PHF20: variants seen among roughly 807,000 people sequenced by gnomAD.
PHF20 encodes the protein glioma-expressed antigen 2.
In PHF20, 23 loss-of-function variants were observed where a neutral mutation model predicts 113.5. That is an observed-to-expected ratio of 0.20 (90% CI 0.15 to 0.29). The LOEUF is 0.29. Among genes scored for constraint, PHF20 ranks in the 10% least tolerant of loss-of-function variants. The pLI is 1.00. For synonymous variants in PHF20, 434 were observed against 457.3 expected (o/e 0.95, Z 0.65); for missense variants, 943 against 1,219.6 (o/e 0.77, Z 3.38).
At chr20:35,864,617 A>G (rs2054282009) in intron 6 of PHF20, among the ~76,000 whole-genome samples, 1 of 152,178 alleles carries the variant, frequency 6.6e-6, no homozygotes, top group Non-Finnish European at 1.5e-5. Flanking sequence ...TACTCATTGT[A>G]AGATAGGAAA....
chr20:35,783,214 A>G (rs1342604829), intron 1 of PHF20, among the ~76,000 whole-genome samples: 2 of 152,062 alleles, frequency 1.3e-5, no homozygotes, highest in African/African-American at 2.4e-5. Context: ...TAAAAAAAAG[A>G]AAAGAAAAAG....
chr20:35,868,757 A>G (rs7274069), intron 6 of PHF20, among the ~76,000 whole-genome samples: 7,390 of 152,292 alleles, frequency 0.049, 232 homozygotes, highest in African/African-American at 0.099. Flanking sequence ...GTTAACTAGC[A>G]TAGTCTCCCA....
At chr20:35,871,503 G>A (rs1702850666) in intron 8 of PHF20, 147 bp from the exon 9 acceptor site, 3 of 635,022 alleles carry the variant, frequency 4.7e-6, no homozygotes, top group African/African-American at 1.9e-5. Flanking sequence ...CAGCCTGTAT[G>A]TATGGGAACC....
chr20:35,830,744 T>A (rs1436342197), intron 2 of PHF20, among the ~76,000 whole-genome samples: 1 of 152,118 alleles, frequency 6.6e-6, no homozygotes, highest in Non-Finnish European at 1.5e-5. Context: ...TTTTTTTTTT[T>A]AAGTTCTGGG....
chr20:35,814,892 A>AAAAAAAAT (rs2042043682), intron 2 of PHF20, among the ~76,000 whole-genome samples: 5 of 110,182 alleles, frequency 4.5e-5, no homozygotes, highest in African/African-American at 1.1e-4. Flanking sequence ...AAAAAAAAAT[A>AAAAAAAAT]AAATAAATAA....
chr20:35,815,291 A>G (rs1013440142), intron 2 of PHF20, among the ~76,000 whole-genome samples: 2 of 151,758 alleles, frequency 1.3e-5, no homozygotes, highest in African/African-American at 2.4e-5. Flanking sequence ...TGAAACTCAA[A>G]ATATGGCCAG....
At chr20:35,774,146 G>C (rs1055498925) in intron 1 of PHF20, among the ~76,000 whole-genome samples, 6 of 150,936 alleles carry the variant, frequency 4.0e-5, no homozygotes, top group Non-Finnish European at 7.4e-5. Context: ...GCAGTGGCGC[G>C]ATCTCGGCTC....
chr20:35,884,497 A>G (rs1187826875), intron 9 of PHF20, among the ~76,000 whole-genome samples: 3 of 152,198 alleles, frequency 2.0e-5, no homozygotes, highest in African/African-American at 7.2e-5. Flanking sequence ...TCTGCATTCC[A>G]GGGGCTAGCC....
rs1177352915 is a variant in PHF20, at chr20:35,899,657, C to G, written c.1561+9C>G. 3.1e-6 allele frequency: 5 copies of G among 1,612,584 alleles called. No individual in the cohort carries two copies. Among genetic ancestry groups the G allele is most frequent in the Non-Finnish European group, 4.2e-6 (5 of 1,179,310 alleles). On this transcript the variant is annotated intron_variant, in intron 10 of 17. Coordinates refer to ENST00000374012, the MANE Select transcript of PHF20 (RefSeq NM_016436.5). ...CTCTGCCAGTTCCCCAAGTAAGTAT[C>G]TTCATTCTTCATTGTGTCATGGATG...
intron 1 of PHF20, among the ~76,000 whole-genome samples, chr20:35,775,291 T>A (rs904262495): frequency 6.6e-6 from 1 of 152,044 alleles, no homozygotes; most frequent in Non-Finnish European, 1.5e-5. Context: ...AGTAGTGAGG[T>A]TTCATACACG....
At chr20:35,864,982 T>C (rs991915538) in intron 6 of PHF20, among the ~76,000 whole-genome samples, 1 of 152,002 alleles carries the variant, frequency 6.6e-6, no homozygotes, top group Non-Finnish European at 1.5e-5. Flanking sequence ...GGTTAGGAGT[T>C]TGAGACCAGC....
intron 4 of PHF20, 74 bp from the exon 5 acceptor site, chr20:35,858,228 G>T: frequency 1.3e-6 from 1 of 774,140 alleles, no homozygotes; most frequent in Non-Finnish European, 2.3e-6. Context: ...GAGATCCCTT[G>T]TGTTTATACT....
intron 5 of PHF20, 60 bp downstream of exon 5, chr20:35,858,441 C>A: frequency 1.1e-6 from 1 of 906,496 alleles, no homozygotes; most frequent in Non-Finnish European, 1.8e-6. Flanking sequence ...AGTTTTGTTT[C>A]CTCAAATAAA....
At chr20:35,793,593 C>G (rs1386923442) in intron 1 of PHF20, among the ~76,000 whole-genome samples, 1 of 151,146 alleles carries the variant, frequency 6.6e-6, no homozygotes, top group Non-Finnish European at 1.5e-5. Flanking sequence ...AGCCATTGTG[C>G]CTGTCTTGAG....
intron 17 of PHF20, 48 bp from the exon 18 acceptor site, chr20:35,947,437 T>C: frequency 6.3e-7 from 1 of 1,589,026 alleles, no homozygotes; most frequent in Non-Finnish European, 8.6e-7. Flanking sequence ...TTCTTGCAAA[T>C]CAAGTGTTGG....
chr20:35,922,327 A>T (rs966721206), intron 13 of PHF20, among the ~76,000 whole-genome samples: 2 of 152,226 alleles, frequency 1.3e-5, no homozygotes, highest in African/African-American at 4.8e-5. Flanking sequence ...GTTTAGAGGG[A>T]GCTAGCTAGA....
intron 2 of PHF20, among the ~76,000 whole-genome samples, chr20:35,815,193 TC>T (rs2042050092): frequency 6.6e-6 from 1 of 151,440 alleles, no homozygotes; most frequent in Non-Finnish European, 1.5e-5. Flanking sequence ...GGAGACTCTG[TC>T]CCCCGAAAAA....
chr20:35,836,725 T>C (rs1257015553), intron 2 of PHF20, among the ~76,000 whole-genome samples: 1 of 151,388 alleles, frequency 6.6e-6, no homozygotes, highest in Non-Finnish European at 1.5e-5. Flanking sequence ...GTGCCTGTAG[T>C]CCCAGCTACT....
rs761776074 is a variant in PHF20 at position 35,863,343 on chromosome 20, G to A, written c.751G>A (p.Glu251Lys). The change falls in exon 6 of 18, where the codon GAA (glutamate) becomes AAA (lysine). Residue 251 changes from glutamate (E) to lysine (K), a missense_variant. This residue lies in a region of PHF20 where 592 missense variants were observed against 787.2 expected (regional missense o/e 0.75). Coordinates refer to ENST00000374012, the MANE Select transcript of PHF20 (RefSeq NM_016436.5). ...AAATGACATTGTGAAGAGTCCACAA[G>A]AAAACTTGAGGGAACCCAAAAGAAA... The part of the protein sequence containing the change: ...PENDIVKSPQ[E>K]NLREPKRKRG... The A allele has an allele frequency of 6.2e-7, 1 of 1,611,488 alleles. No homozygotes were observed. The highest frequency in any genetic ancestry group is 8.5e-7 in the Non-Finnish European group (1 of 1,179,444).
Sources: allele counts gnomAD v4.1 joint callset (sites outside exome capture counted in the v4.1 genomes callset), GRCh38; gene constraint gnomAD v4.1.1; regional missense constraint gnomAD v4.1.1; transcripts MANE v1.5; gene names NCBI Gene and HGNC (gene_info 2026-07-23, HGNC 2026-07-21).